Variants in AVEN observed in about 807,000 individuals in gnomAD.
AVEN encodes cell death regulator Aven.
AVEN carries 41 observed loss-of-function variants against 38.1 expected under a neutral mutation model. That is an observed-to-expected ratio of 1.08 (90% CI 0.84 to 1.40). AVEN has a LOEUF of 1.40. Among genes scored for constraint, AVEN ranks in the 40% most tolerant of loss-of-function variants. The probability of loss-of-function intolerance (pLI) is 0.00; values close to 1 mark genes in which losing one functional copy is unlikely to be tolerated. For missense variants in AVEN, 605 were observed against 438.8 expected (o/e 1.38, Z -3.38); for synonymous variants, 206 against 171.8 (o/e 1.20, Z -1.56).
intron 2 of AVEN, among the ~76,000 whole-genome samples, chr15:33,961,154 T>C (rs557953929): frequency 6.6e-6 from 1 of 151,794 alleles, no homozygotes; most frequent in East Asian, 1.9e-4. Context: ...GTACACACCA[T>C]CATGCCTGGA....
At chr15:33,997,588 C>T (rs528888669) in intron 2 of AVEN, among the ~76,000 whole-genome samples, 166 of 152,260 alleles carry the variant, frequency 1.1e-3, no homozygotes, top group African/African-American at 2.8e-3. Context: ...CCACTTCCCA[C>T]CTCTCCAACT....
chr15:33,988,865 A>C (rs997428613), intron 2 of AVEN, among the ~76,000 whole-genome samples: 1 of 152,236 alleles, frequency 6.6e-6, no homozygotes, highest in Non-Finnish European at 1.5e-5. Context: ...TTTTCAGTAA[A>C]GGTGATTTCC....
intron 2 of AVEN, among the ~76,000 whole-genome samples, chr15:33,987,268 T>C (rs1455302450): frequency 6.6e-6 from 1 of 152,226 alleles, no homozygotes; most frequent in Non-Finnish European, 1.5e-5. Flanking sequence ...ATATGTCACC[T>C]TTCTGTTGGA....
chr15:33,890,924 A>G (rs1440716758), intron 2 of AVEN, among the ~76,000 whole-genome samples: 1 of 152,162 alleles, frequency 6.6e-6, no homozygotes, highest in Non-Finnish European at 1.5e-5. Flanking sequence ...CCTGGGCAAC[A>G]TAGTGAGAAC....
chr15:33,946,623 T>G (rs525312), intron 2 of AVEN, among the ~76,000 whole-genome samples: 103,424 of 151,806 alleles, frequency 0.68, 38,980 homozygotes, highest in Non-Finnish European at 0.84. Flanking sequence ...AGCAGGCCGG[T>G]GGGTAGGAAG....
downstream of AVEN, among the ~76,000 whole-genome samples, chr15:33,862,155 G>A (rs1888486052): frequency 6.6e-6 from 1 of 151,962 alleles, no homozygotes; most frequent in Non-Finnish European, 1.5e-5. Flanking sequence ...ATAAAATGCT[G>A]GGCTCTGCTC....
intron 4 of AVEN, among the ~76,000 whole-genome samples, chr15:33,870,603 C>T (rs1190501057): frequency 2.0e-5 from 3 of 152,278 alleles, no homozygotes; most frequent in Non-Finnish European, 4.4e-5. Context: ...AAGGCAGGAA[C>T]GACATCTGTC....
chr15:33,872,531 A>C (rs1891017202), intron 3 of AVEN, among the ~76,000 whole-genome samples: 1 of 152,010 alleles, frequency 6.6e-6, no homozygotes, highest in African/African-American at 2.4e-5. Flanking sequence ...CACCCACAGA[A>C]CTGAACTCTC....
chr15:33,902,154 T>TCAA lies in AVEN; in HGVS notation c.446-26162_446-26160dup, dbSNP rs1892520024. Among the ~76,000 whole-genome samples the TCAA allele has an allele frequency of 1.0e-4, 3 of 30,030 alleles. No individual in the cohort carries two copies. The South Asian group carries it at 2.0e-3, about 20-fold the overall frequency. The allele number at this position is 30,030 out of a possible 152,430, so 19.7% of individuals were successfully genotyped here. ...TCCATTTATTTGCATCCTCTTTATT[T>TCAA]CAACGTTTTATTGTTTTTAGTGTAC... On this transcript the variant is annotated intron_variant, in intron 2 of 5. Coordinates refer to ENST00000306730, the MANE Select transcript of AVEN (RefSeq NM_020371.3).
intron 2 of AVEN, among the ~76,000 whole-genome samples, chr15:33,885,067 C>T (rs957177654): frequency 6.6e-6 from 1 of 152,166 alleles, no homozygotes; most frequent in Non-Finnish European, 1.5e-5. Context: ...TCATGATCAT[C>T]TTCCTTTATC....
At chr15:34,011,606 G>C (rs1296479047) in intron 1 of AVEN, among the ~76,000 whole-genome samples, 3 of 152,134 alleles carry the variant, frequency 2.0e-5, no homozygotes, top group Non-Finnish European at 4.4e-5. Context: ...TCAGTATATG[G>C]AAAAAGCAGA....
At chr15:33,870,358 T>C (rs1017483713) in intron 4 of AVEN, among the ~76,000 whole-genome samples, 10 of 152,168 alleles carry the variant, frequency 6.6e-5, no homozygotes, top group Admixed American at 5.2e-4. Context: ...GCCCCATCGT[T>C]TTTATTAACG....
At chr15:33,905,946 T>A (rs1292406693) in intron 2 of AVEN, among the ~76,000 whole-genome samples, 1 of 152,196 alleles carries the variant, frequency 6.6e-6, no homozygotes, top group Non-Finnish European at 1.5e-5. Context: ...TCCCTATATT[T>A]CTAGGACACT....
chr15:33,996,679 C>T (rs893994312), intron 2 of AVEN, among the ~76,000 whole-genome samples: 2 of 152,146 alleles, frequency 1.3e-5, no homozygotes, highest in African/African-American at 4.8e-5. Flanking sequence ...AAAGGACATC[C>T]ACACCAAAAC....
At chr15:34,014,945 G>A (rs1350014436) in intron 1 of AVEN, among the ~76,000 whole-genome samples, 12 of 152,160 alleles carry the variant, frequency 7.9e-5, no homozygotes, top group African/African-American at 2.9e-4. Flanking sequence ...GTCAGATACA[G>A]GGGGTGAGGG....
intron 2 of AVEN, among the ~76,000 whole-genome samples, chr15:33,994,515 T>C (rs1275920261): frequency 6.6e-6 from 1 of 152,222 alleles, no homozygotes; most frequent in African/African-American, 2.4e-5. Context: ...ATCCTCACCC[T>C]GGTCTGTGGA....
At chr15:33,915,541 ATT>A (rs984365835) in intron 2 of AVEN, among the ~76,000 whole-genome samples, 1 of 152,214 alleles carries the variant, frequency 6.6e-6, no homozygotes, top group African/African-American at 2.4e-5. Context: ...CAGGAAAGCC[ATT>A]TCTGACTGTC....
At position 33,873,094 on chromosome 15, in the gene AVEN, CTTTTTTTTT is replaced by C. The variant is rs34223352; in HGVS notation, c.517-2073_517-2065del. Among the ~76,000 whole-genome samples the C allele has an allele frequency of 5.9e-3, 504 of 85,138 alleles. 3 individuals carry two copies. Among genetic ancestry groups the C allele is most frequent in the Middle Eastern group, 0.036 (3 of 84 alleles). The allele number at this position is 85,138 out of a possible 152,430, so 55.9% of individuals were successfully genotyped here. ...AAAACATATTTCTACTTTTCCTTTTCTTTTTTTTTTTTTTTTTTTTTTTTTGAGATGGAG... is the reference window on the plus strand; with the variant it reads ...AAAACATATTTCTACTTTTCCTTTTCTTTTTTTTTTTTTTTTGAGATGGAG... On this transcript the variant is annotated intron_variant, in intron 3 of 5. Coordinates refer to ENST00000306730, the MANE Select transcript of AVEN (RefSeq NM_020371.3).
chr15:33,854,124 A>T (rs1597043568), downstream of AVEN, among the ~76,000 whole-genome samples: 1 of 150,244 alleles, frequency 6.7e-6, no homozygotes, highest in African/African-American at 2.5e-5. Flanking sequence ...TGAACCTGGC[A>T]GGTGGAGGTT....
Sources: allele counts gnomAD v4.1 joint callset (sites outside exome capture counted in the v4.1 genomes callset), GRCh38; gene constraint gnomAD v4.1.1; transcripts MANE v1.5; gene names NCBI Gene and HGNC (gene_info 2026-07-23, HGNC 2026-07-21).